ERC1: variants seen among roughly 807,000 people sequenced by gnomAD.
The protein encoded by ERC1 is RAB6 interacting protein 2.
Under a neutral mutation model 132.0 loss-of-function variants are expected in ERC1, and 56 were observed. The ratio of observed to expected loss-of-function variants is 0.42; its 90% confidence interval spans 0.34 to 0.53. The LOEUF is 0.53. ERC1 is among the 20% of genes least tolerant of loss of function. The probability of loss-of-function intolerance (pLI) is 0.03; values close to 1 mark genes in which losing one functional copy is unlikely to be tolerated. For synonymous variants in ERC1, 478 were observed against 476.1 expected (o/e 1.00, Z -0.05); for missense variants, 1,202 against 1,349.9 (o/e 0.89, Z 1.72).
At chr12:1,461,712 A>G (rs1312704325) in intron 18 of ERC1, among the ~76,000 whole-genome samples, 1 of 152,170 alleles carries the variant, frequency 6.6e-6, no homozygotes, top group African/African-American at 2.4e-5. Flanking sequence ...CTTTGTAGCA[A>G]TGGGTGGTTG....
At chr12:1,352,839 TATTC>T (rs2085141486) in intron 15 of ERC1, among the ~76,000 whole-genome samples, 2 of 152,186 alleles carry the variant, frequency 1.3e-5, no homozygotes, top group Non-Finnish European at 2.9e-5. Flanking sequence ...TACAAATACA[TATTC>T]ATTATATCCT....
At chr12:1,251,965 A>G (rs2076495898) in intron 13 of ERC1, among the ~76,000 whole-genome samples, 1 of 152,090 alleles carries the variant, frequency 6.6e-6, no homozygotes, top group Non-Finnish European at 1.5e-5. Context: ...AAAGTCTCCA[A>G]TGAGATTCTT....
chr12:1,280,241 G>A (rs1230875996), intron 14 of ERC1, among the ~76,000 whole-genome samples: 2 of 152,088 alleles, frequency 1.3e-5, no homozygotes, highest in African/African-American at 2.4e-5. Context: ...ATGGCTTCCC[G>A]CTGATTTTTA....
intron 16 of ERC1, among the ~76,000 whole-genome samples, chr12:1,406,702 T>G (rs1231028125): frequency 6.6e-6 from 1 of 152,150 alleles, no homozygotes; most frequent in Non-Finnish European, 1.5e-5. Flanking sequence ...AGACCCTGTC[T>G]CTACAAAAGA....
chr12:1,017,004 A>G (rs1320117200), intron 1 of ERC1, among the ~76,000 whole-genome samples: 3 of 146,828 alleles, frequency 2.0e-5, no homozygotes, highest in Non-Finnish European at 4.5e-5. Flanking sequence ...ATTTTTATTT[A>G]TTATTTTTTT....
At chr12:1,224,251 G>A (rs1449483623) in intron 12 of ERC1, among the ~76,000 whole-genome samples, 1 of 151,986 alleles carries the variant, frequency 6.6e-6, no homozygotes, top group Non-Finnish European at 1.5e-5. Flanking sequence ...CCATGTGCAT[G>A]CACACACACA....
chr12:1,317,664 A>T (rs1318079982), intron 15 of ERC1, among the ~76,000 whole-genome samples: 1 of 152,234 alleles, frequency 6.6e-6, no homozygotes, highest in African/African-American at 2.4e-5. Flanking sequence ...TGTATTTCAA[A>T]TGTCTGCATA....
intron 7 of ERC1, among the ~76,000 whole-genome samples, chr12:1,138,292 TATATA>T (rs1204443925): frequency 5.8e-5 from 8 of 136,992 alleles, no homozygotes; most frequent in South Asian, 2.2e-4. Flanking sequence ...TGATATATAT[TATATA>T]ATATATGTTG....
At chr12:1,060,325 C>T (rs552379938) in intron 2 of ERC1, among the ~76,000 whole-genome samples, 18 of 151,958 alleles carry the variant, frequency 1.2e-4, no homozygotes, top group Admixed American at 1.1e-3. Flanking sequence ...AACCCTCCCC[C>T]CTTCCCCCAC....
Position 1,293,453 on chromosome 12 carries a change from A to AAACAAC in ERC1, c.2780+3462_2780+3467dup, listed in dbSNP as rs201350540. On this transcript the variant is annotated intron_variant, in intron 15 of 18. Transcript: ENST00000360905. ...GGGCGACAGAGCAAAACTCCATCTC[A>AAACAAC]AACAACAACAACAACAACAACAACA... Among the ~76,000 whole-genome samples, 255 of 101,380 alleles carry AAACAAC rather than the reference A, an allele frequency of 2.5e-3. 8 individuals carry two copies. Among genetic ancestry groups the AAACAAC allele is most frequent in the African/African-American group, 8.1e-3 (215 of 26,688 alleles). The allele number at this position is 101,380 out of a possible 152,430, so 66.5% of individuals were successfully genotyped here. A position where few individuals can be genotyped will look rare whatever the true frequency, so the allele number is the denominator to read the frequency against.
At position 1,094,445 on chromosome 12, in the gene ERC1, C is replaced by G. The variant is rs1277230402; in HGVS notation, c.1087-10305C>G. ...TTTTTTTTGGCAACAGAGTCTCGCTCTATCGCCCAGGCTGGAGTGCAGTGG... is the reference window on the plus strand; with the variant it reads ...TTTTTTTTGGCAACAGAGTCTCGCTGTATCGCCCAGGCTGGAGTGCAGTGG... On this transcript the variant is annotated intron_variant, in intron 3 of 18. Coordinates refer to ENST00000360905, the MANE Select transcript of ERC1 (RefSeq NM_178040.4). Among the ~76,000 whole-genome samples the G allele has an allele frequency of 1.1e-4, 16 of 143,914 alleles. No homozygotes were observed. The East Asian group carries it at 2.1e-3, about 19-fold the overall frequency. 94.4% of individuals were successfully genotyped at this position (143,914 alleles called of 152,430 possible).
rs533586884 is a variant in ERC1, at chr12:1,485,394, A to G, written c.3214-4699A>G. Among the ~76,000 whole-genome samples the G allele has an allele frequency of 1.1e-4, 16 of 150,396 alleles. No homozygotes were observed. In the East Asian group the frequency reaches 1.2e-3, roughly 11 times the overall value. On this transcript the variant is annotated intron_variant, in intron 18 of 18. Transcript: ENST00000360905. ...TAGTTTTTGTATTTTTAGTAGAGAC[A>G]GAGTTTCACCACATTGGCCAGGCTG... is the stretch of plus-strand genomic sequence containing the variant.
At chr12:1,437,944 C>T (rs1287085595) in intron 17 of ERC1, among the ~76,000 whole-genome samples, 2 of 152,186 alleles carry the variant, frequency 1.3e-5, no homozygotes. Flanking sequence ...TTTGACAGAC[C>T]ATAAAACCCT....
At chr12:1,113,161 A>G (rs560922025) in intron 6 of ERC1, among the ~76,000 whole-genome samples, 6 of 152,354 alleles carry the variant, frequency 3.9e-5, no homozygotes, top group South Asian at 2.1e-4. Flanking sequence ...TGCAAATTCT[A>G]CATCATTTTA....
chr12:1,288,169 T>A (rs1566491561), intron 14 of ERC1, among the ~76,000 whole-genome samples: 2 of 152,246 alleles, frequency 1.3e-5, no homozygotes, highest in African/African-American at 4.8e-5. Flanking sequence ...AGATAAAATT[T>A]TACATGAATT....
intron 8 of ERC1, among the ~76,000 whole-genome samples, chr12:1,158,611 T>G (rs969163066): frequency 1.6e-4 from 24 of 150,742 alleles, no homozygotes; most frequent in Admixed American, 1.5e-3. Context: ...TCTTTTCTTT[T>G]TTTTTTTTTT....
chr12:1,474,346 C>G (rs2093928489), intron 18 of ERC1, among the ~76,000 whole-genome samples: 1 of 152,206 alleles, frequency 6.6e-6, no homozygotes, highest in Non-Finnish European at 1.5e-5. Context: ...CTGCCAACCA[C>G]AGAGGAATTC....
chr12:1,144,732 T>A (rs1950194558), intron 8 of ERC1, among the ~76,000 whole-genome samples: 1 of 151,082 alleles, frequency 6.6e-6, no homozygotes, highest in African/African-American at 2.5e-5. Flanking sequence ...TTTTTTGGAA[T>A]TGCGAATGTG....
intron 11 of ERC1, among the ~76,000 whole-genome samples, chr12:1,184,029 A>G (rs975798831): frequency 2.6e-5 from 4 of 151,780 alleles, no homozygotes; most frequent in African/African-American, 9.7e-5. Context: ...CTAGCTACTC[A>G]GGAGGCTGAG....
Sources: allele counts gnomAD v4.1 joint callset (sites outside exome capture counted in the v4.1 genomes callset), GRCh38; gene constraint gnomAD v4.1.1; transcripts MANE v1.5; gene names NCBI Gene and HGNC (gene_info 2026-07-23, HGNC 2026-07-21).